Variants in CELF1 observed in about 807,000 individuals in gnomAD.
The protein encoded by CELF1 is 50 kDa nuclear polyadenylated RNA-binding protein.
In CELF1, 10 loss-of-function variants were observed where a neutral mutation model predicts 61.8. That is an observed-to-expected ratio of 0.16 (90% CI 0.10 to 0.27). The LOEUF is 0.27. Ranked by LOEUF, CELF1 falls within the 10% of genes least tolerant of loss-of-function variation. The pLI, the probability that CELF1 is intolerant of heterozygous loss-of-function variation, is 1.00. For missense variants in CELF1, 380 were observed against 639.1 expected, an observed-to-expected ratio of 0.59 and a Z score of 4.37; for synonymous variants, 236 against 225.1, an observed-to-expected ratio of 1.05 and a Z score of -0.43.
intron 1 of CELF1, among the ~76,000 whole-genome samples, chr11:47,504,922 T>A (rs928985783): frequency 2.5e-4 from 34 of 137,184 alleles, no homozygotes; most frequent in African/African-American, 6.0e-4. Context: ...AAAAAAAAAA[T>A]TTCCATTTCA....
chr11:47,537,856 G>A (rs983728785), intron 1 of CELF1, among the ~76,000 whole-genome samples: 3 of 151,656 alleles, frequency 2.0e-5, no homozygotes, highest in Non-Finnish European at 4.4e-5. Flanking sequence ...CACAGCACTG[G>A]GTTTAGTACG....
At chr11:47,553,647 G>A (rs2097190863), upstream of CELF1, among the ~76,000 whole-genome samples, 1 of 152,194 alleles carries the variant, frequency 6.6e-6, no homozygotes, top group Non-Finnish European at 1.5e-5. Context: ...TCTTTGCTGG[G>A]ATGTGAATAT....
chr11:47,492,225 C>T (rs2091804135), intron 3 of CELF1, among the ~76,000 whole-genome samples: 1 of 152,128 alleles, frequency 6.6e-6, no homozygotes, highest in Admixed American at 6.6e-5. Context: ...AACGATTCTC[C>T]CACCTCAGCC....
chr11:47,516,217 G>A (rs1645240814), intron 1 of CELF1, among the ~76,000 whole-genome samples: 1 of 152,098 alleles, frequency 6.6e-6, no homozygotes, highest in African/African-American at 2.4e-5. Flanking sequence ...AATAAAAAGA[G>A]AGAGAGAAAA....
chr11:47,545,844 T>C (rs1200551647), intron 1 of CELF1, among the ~76,000 whole-genome samples: 1 of 149,924 alleles, frequency 6.7e-6, no homozygotes, highest in Non-Finnish European at 1.5e-5. Context: ...CTCTCTCATA[T>C]GTATACGTGT....
At chr11:47,477,719 C>CA (rs1416016066) in intron 10 of CELF1, 1 of 288,612 alleles carries the variant, frequency 3.5e-6, no homozygotes, top group African/African-American at 2.1e-5. Context: ...ACCATAGGGC[C>CA]AGGAGCACAG....
intron 1 of CELF1, among the ~76,000 whole-genome samples, chr11:47,527,287 G>T (rs1333969630): frequency 1.3e-5 from 2 of 151,608 alleles, no homozygotes; most frequent in Non-Finnish European, 2.9e-5. Context: ...ACTACTCAGG[G>T]GGCTGAGGTG....
chr11:47,511,802 C>T (rs1273683234), intron 1 of CELF1, among the ~76,000 whole-genome samples: 2 of 152,018 alleles, frequency 1.3e-5, no homozygotes, highest in Non-Finnish European at 2.9e-5. Context: ...GAAGCTCATG[C>T]ACATAACCCA....
At chr11:47,477,142 C>T (rs2080602318) in intron 11 of CELF1, 155 bp downstream of exon 11, 2 of 934,600 alleles carry the variant, frequency 2.1e-6, no homozygotes, top group Non-Finnish European at 3.3e-6. Context: ...GAAGATTTCT[C>T]TTAAGTACAA....
chr11:47,498,021 T>G (rs910500987), intron 3 of CELF1, among the ~76,000 whole-genome samples: 17 of 152,224 alleles, frequency 1.1e-4, no homozygotes, highest in African/African-American at 3.9e-4. Flanking sequence ...TAAATCTTTA[T>G]CATGATATTC....
chr11:47,497,453 C>T (rs959766649), intron 3 of CELF1, among the ~76,000 whole-genome samples: 1 of 152,206 alleles, frequency 6.6e-6, no homozygotes, highest in Non-Finnish European at 1.5e-5. Flanking sequence ...AATAAAAAGA[C>T]CTTTACCTTT....
At chr11:47,475,049 C>T (rs1272475864) in intron 13 of CELF1, among the ~76,000 whole-genome samples, 3 of 152,248 alleles carry the variant, frequency 2.0e-5, no homozygotes, top group Non-Finnish European at 2.9e-5. Flanking sequence ...CAGAAACATT[C>T]TTGTCAAATG....
intron 1 of CELF1, among the ~76,000 whole-genome samples, chr11:47,528,537 T>G (rs1262341985): frequency 6.6e-6 from 1 of 152,124 alleles, no homozygotes; most frequent in Non-Finnish European, 1.5e-5. Context: ...GACTGTTCAT[T>G]GAGGCCAGGA....
chr11:47,509,802 G>A (rs997742335), intron 1 of CELF1, among the ~76,000 whole-genome samples: 12 of 151,888 alleles, frequency 7.9e-5, no homozygotes, highest in Non-Finnish European at 1.0e-4. Context: ...TGAGGTGGGC[G>A]GGTCACTTGA....
chr11:47,551,731 G>T (rs1004060692), intron 1 of CELF1, among the ~76,000 whole-genome samples: 1 of 152,186 alleles, frequency 6.6e-6, no homozygotes, highest in African/African-American at 2.4e-5. Flanking sequence ...GTGAAGTTCC[G>T]GGCGGGGGCG....
At chr11:47,528,345 ACT>A (rs2096333546) in intron 1 of CELF1, among the ~76,000 whole-genome samples, 1 of 152,100 alleles carries the variant, frequency 6.6e-6, no homozygotes, top group African/African-American at 2.4e-5. Flanking sequence ...TATGTGTAAA[ACT>A]CTACCTCTGT....
chr11:47,489,935 G>GTTTTTTTTGTTTTTTTTTTTTTTTTT (rs2090264572), intron 3 of CELF1, among the ~76,000 whole-genome samples: 3 of 48,226 alleles, frequency 6.2e-5, no homozygotes, highest in Admixed American at 3.0e-4. Context: ...ATACCATCTT[G>GTTTTTTTTGTTTTTTTTTTTTTTTTT]TTTTTTTTTT....
chr11:47,536,529 T>C (rs903636233), intron 1 of CELF1, among the ~76,000 whole-genome samples: 3 of 151,606 alleles, frequency 2.0e-5, no homozygotes, highest in African/African-American at 4.8e-5. Flanking sequence ...GAGGCCAAGG[T>C]GAGCAGATTA....
rs190830603 is a variant in CELF1 at position 47,497,123 on chromosome 11, G to C, written c.71+2330C>G. 3.2e-3 allele frequency among the ~76,000 whole-genome samples: 482 copies of C among 152,300 alleles called. 1 individual carries two copies. Among genetic ancestry groups the C allele is most frequent in the African/African-American group, 0.011 (467 of 41,568 alleles). On this transcript the variant is annotated intron_variant, in intron 3 of 14. Coordinates refer to ENST00000687097, the MANE Select transcript of CELF1 (RefSeq NM_001376376.1). ...AGAAACTAACAACTCTTGGGTTCTA[G>C]TGAAGACAATATGGGAATTACTTTT...
Sources: gnomAD v4.1 joint callset for allele counts (sites outside exome capture counted in the v4.1 genomes callset) on GRCh38, gnomAD v4.1.1 for gene constraint, MANE v1.5 for transcripts, NCBI Gene and HGNC (gene_info 2026-07-23, HGNC 2026-07-21) for gene names.